Variants in MALRD1 observed in about 807,000 individuals in gnomAD.
The protein encoded by MALRD1 is MAM and LDL-receptor class A domain-containing protein 1.
In MALRD1, 247 loss-of-function variants were observed where a neutral mutation model predicts 242.1. That is an observed-to-expected ratio of 1.02 (90% confidence interval 0.92 to 1.13). MALRD1 has a LOEUF of 1.13. Among genes scored for constraint, MALRD1 ranks in the 50% most tolerant of loss-of-function variants. The pLI is 0.00. For synonymous variants in MALRD1, 995 were observed against 866.6 expected, an observed-to-expected ratio of 1.15 and a Z score of -2.60; for missense variants, 2,989 against 2,533.1, an observed-to-expected ratio of 1.18 and a Z score of -3.86.
At chr10:19,318,670 C>G (rs576309297) in intron 21 of MALRD1, among the ~76,000 whole-genome samples, 15 of 151,924 alleles carry the variant, frequency 9.9e-5, no homozygotes, top group African/African-American at 3.6e-4. Flanking sequence ...CTTGTTCTGT[C>G]TCTTCTTACG....
chr10:19,355,331 T>G (rs1446372128), intron 26 of MALRD1, among the ~76,000 whole-genome samples: 1 of 152,010 alleles, frequency 6.6e-6, no homozygotes, highest in Non-Finnish European at 1.5e-5. Context: ...GAAAAGATAT[T>G]AAATGGTCTT....
At chr10:19,496,119 G>A (rs1205780109) in intron 30 of MALRD1, among the ~76,000 whole-genome samples, 2 of 152,062 alleles carry the variant, frequency 1.3e-5, no homozygotes, top group African/African-American at 4.8e-5. Context: ...AACAATAATA[G>A]TGGAAGACTT....
intron 4 of MALRD1, among the ~76,000 whole-genome samples, chr10:19,099,260 C>T (rs944955834): frequency 6.6e-6 from 1 of 152,136 alleles, no homozygotes; most frequent in Non-Finnish European, 1.5e-5. Flanking sequence ...TATTGGGCTG[C>T]TTTTTGGTAG....
At chr10:19,151,663 T>G (rs1185308732) in intron 11 of MALRD1, among the ~76,000 whole-genome samples, 1 of 152,116 alleles carries the variant, frequency 6.6e-6, no homozygotes, top group East Asian at 1.9e-4. Flanking sequence ...ACTGAAAAAT[T>G]GTATTCTTTA....
chr10:19,349,497 T>C (rs1043920485), intron 25 of MALRD1, among the ~76,000 whole-genome samples: 3 of 152,220 alleles, frequency 2.0e-5, no homozygotes, highest in African/African-American at 7.2e-5. Flanking sequence ...GAAAGTGACA[T>C]GATCAGGTGA....
chr10:19,051,543 C>T (rs1564361735), intron 1 of MALRD1: 2 of 183,854 alleles, frequency 1.1e-5, no homozygotes, highest in South Asian at 1.2e-4. Flanking sequence ...GTAGATGGCA[C>T]GGTTAGCTAG....
intron 29 of MALRD1, chr10:19,489,382 G>T (rs552543765): frequency 8.9e-5 from 49 of 548,686 alleles, no homozygotes; most frequent in Non-Finnish European, 1.6e-4. Flanking sequence ...AAGCAGGAGA[G>T]AAAGTAGCCA....
At chr10:19,165,897 C>A in intron 13 of MALRD1, 87 bp downstream of exon 13, 1 of 990,492 alleles carries the variant, frequency 1.0e-6, no homozygotes, top group South Asian at 5.2e-5. Context: ...ACACATAGCT[C>A]ATACCTTTTC....
At chr10:19,136,488 A>T (rs764933036) in intron 9 of MALRD1, 86 bp from the exon 10 acceptor site, 11 of 760,642 alleles carry the variant, frequency 1.4e-5, no homozygotes, top group Non-Finnish European at 2.0e-5. Context: ...TTTCTCAATA[A>T]CTACTTTGTC....
At chr10:19,087,734 A>G in intron 2 of MALRD1, 106 bp from the exon 3 acceptor site, 1 of 468,168 alleles carries the variant, frequency 2.1e-6, no homozygotes, top group Non-Finnish European at 3.5e-6. Flanking sequence ...TTTTGAATGT[A>G]CAGTGAAATT....
chr10:19,138,422 A>ATTT (rs371584010), intron 10 of MALRD1, among the ~76,000 whole-genome samples: 8 of 136,594 alleles, frequency 5.9e-5, no homozygotes, highest in African/African-American at 8.0e-5. Context: ...CACGTATTTA[A>ATTT]TTTTTTTTTT....
chr10:19,252,694 AGT>A (rs1289673031), intron 18 of MALRD1, among the ~76,000 whole-genome samples: 3 of 152,008 alleles, frequency 2.0e-5, no homozygotes, highest in Admixed American at 6.6e-5. Context: ...TTTCTCACAC[AGT>A]TTTAATATGG....
intron 38 of MALRD1, among the ~76,000 whole-genome samples, chr10:19,726,030 G>C (rs1431848867): frequency 2.0e-5 from 3 of 152,062 alleles, no homozygotes; most frequent in Admixed American, 6.6e-5. Flanking sequence ...CATGATCTTG[G>C]ATTTGGAAAT....
At chr10:19,610,969 A>G (rs1589304708) in intron 35 of MALRD1, among the ~76,000 whole-genome samples, 1 of 151,974 alleles carries the variant, frequency 6.6e-6, no homozygotes, top group Non-Finnish European at 1.5e-5. Flanking sequence ...TATAACCACA[A>G]AGGAAGAAAA....
At chr10:19,512,133 T>G (rs1464704920) in intron 31 of MALRD1, among the ~76,000 whole-genome samples, 2 of 152,160 alleles carry the variant, frequency 1.3e-5, no homozygotes, top group Non-Finnish European at 2.9e-5. Flanking sequence ...CTTTCTCTAG[T>G]GTCACTTCCA....
rs148467094 is a variant in MALRD1 at position 19,488,595 on chromosome 10, A to C, written c.5030-2922A>C. ...ATAGTCAGGGCAGACAGGAAGTAGC[A>C]TCTGTGAATGCATGAAAAAACGAAG... On this transcript the variant is annotated intron_variant, in intron 29 of 39. Coordinates refer to ENST00000454679, the MANE Select transcript of MALRD1 (RefSeq NM_001142308.3). 231 of 154,926 alleles carry C rather than the reference A, an allele frequency of 1.5e-3. 1 individual carries two copies. Among genetic ancestry groups the C allele is most frequent in the African/African-American group, 5.4e-3 (226 of 41,606 alleles). The allele number at this position is 154,926 out of a possible 1,614,324, so 9.6% of individuals were successfully genotyped here.
intron 8 of MALRD1, among the ~76,000 whole-genome samples, chr10:19,129,473 C>G (rs1213927095): frequency 6.6e-6 from 1 of 152,010 alleles, no homozygotes; most frequent in Non-Finnish European, 1.5e-5. Flanking sequence ...TAGAAGCTCT[C>G]TGAAACCTGT....
rs181762616 is a variant in MALRD1 at position 19,198,939 on chromosome 10, A to G, written c.1952-4789A>G. ...GTTTAATTGCTTCAACCTTATGATA[A>G]CTTCAAACACATAACCATTAGAATG... On this transcript the variant is annotated intron_variant, in intron 14 of 39. Transcript: ENST00000454679. Among the ~76,000 whole-genome samples the G allele has an allele frequency of 2.0e-5, 3 of 152,340 alleles. No homozygotes were observed. The East Asian group carries it at 5.8e-4, about 29-fold the overall frequency.
At chr10:19,446,883 G>A (rs1166590520) in intron 28 of MALRD1, among the ~76,000 whole-genome samples, 1 of 152,020 alleles carries the variant, frequency 6.6e-6, no homozygotes, top group Admixed American at 6.6e-5. Context: ...CCTCAGCAGT[G>A]GCAAAATTAT....
Sources: allele counts gnomAD v4.1 joint callset (sites outside exome capture counted in the v4.1 genomes callset), GRCh38; gene constraint gnomAD v4.1.1; transcripts MANE v1.5; gene names NCBI Gene and HGNC (gene_info 2026-07-23, HGNC 2026-07-21).